MAF: variants seen among roughly 807,000 people sequenced by gnomAD.
MAF encodes the protein MAF bZIP transcription factor.
In MAF, 10 loss-of-function variants were observed where a neutral mutation model predicts 22.0. The ratio of observed to expected loss-of-function variants is 0.45; its 90% CI spans 0.28 to 0.77. MAF has a LOEUF of 0.77. Among genes scored for constraint, MAF ranks in the 30% least tolerant of loss-of-function variants. The pLI, the probability that MAF is intolerant of heterozygous loss-of-function variation, is 0.12. For synonymous variants in MAF, 337 were observed against 255.8 expected (o/e 1.32, Z -3.03); for missense variants, 544 against 548.4 (o/e 0.99, Z 0.08).
At chr16:79,461,906 G>C in the MAF span, among the ~76,000 whole-genome samples, 1 of 152,092 alleles carries the variant, frequency 6.6e-6, no homozygotes, top group Non-Finnish European at 1.5e-5. Flanking sequence ...TTTTTGGATT[G>C]TTTTTTAACC....
the MAF span, among the ~76,000 whole-genome samples, chr16:79,523,456 A>C: frequency 6.6e-6 from 1 of 152,246 alleles, no homozygotes. Flanking sequence ...TTTCATAACA[A>C]TCTATAAGCG....
the MAF span, among the ~76,000 whole-genome samples, chr16:79,479,304 A>C: frequency 1.3e-5 from 2 of 152,186 alleles, no homozygotes; most frequent in African/African-American, 2.4e-5. Flanking sequence ...TGGCATACCT[A>C]TGTTCCATGA....
the MAF span, among the ~76,000 whole-genome samples, chr16:79,408,092 A>AC: frequency 1.3e-5 from 2 of 151,148 alleles, 1 homozygote; most frequent in East Asian, 3.9e-4. Context: ...AAAAAAAAAA[A>AC]AAAAAAAACC....
the MAF span, among the ~76,000 whole-genome samples, chr16:79,326,948 T>C: frequency 6.6e-6 from 1 of 152,156 alleles, no homozygotes; most frequent in Non-Finnish European, 1.5e-5. Flanking sequence ...ATAAGCTGGA[T>C]TTTGGTCCTG....
rs767097998 is a variant in MAF at position 79,593,935 on chromosome 16, G to A, written c.*525C>T. 10 of 206,816 alleles carry A rather than the reference G, an allele frequency of 4.8e-5. No homozygotes were observed. The highest frequency in any genetic ancestry group is 1.6e-4 in the South Asian group (1 of 6,164). 12.8% of individuals were successfully genotyped at this position (206,816 alleles called of 1,614,324 possible). A position where few individuals can be genotyped will look rare whatever the true frequency, so the allele number is the denominator to read the frequency against. On this transcript the variant is annotated 3_prime_UTR_variant, in exon 2 of 2. Coordinates refer to ENST00000326043, the MANE Select transcript of MAF (RefSeq NM_005360.5). ...TGACATCACTGATAAATGCAACACC[G>A]TCTAGGGCCTACGAGAAAACCAGGG...
chr16:79,583,024 T>C (rs1912619573), downstream of MAF, among the ~76,000 whole-genome samples: 1 of 152,204 alleles, frequency 6.6e-6, no homozygotes. Flanking sequence ...TAAAATATGT[T>C]GATGGGTTCT....
At chr16:79,371,762 C>T in the MAF span, among the ~76,000 whole-genome samples, 1 of 152,228 alleles carries the variant, frequency 6.6e-6, no homozygotes, top group South Asian at 2.1e-4. Context: ...GCTTGGCCCA[C>T]CACCGTTCAG....
chr16:79,368,140 G>A, the MAF span, among the ~76,000 whole-genome samples: 9 of 152,148 alleles, frequency 5.9e-5, no homozygotes, highest in Non-Finnish European at 1.2e-4. Flanking sequence ...GCTCCAGAAT[G>A]GAGCACAGAG....
the MAF span, among the ~76,000 whole-genome samples, chr16:79,525,483 G>T: frequency 1.3e-5 from 2 of 152,146 alleles, no homozygotes; most frequent in Admixed American, 1.3e-4. Flanking sequence ...ACAGCAATTT[G>T]ATCAATTTAG....
chr16:79,488,592 G>T, the MAF span, among the ~76,000 whole-genome samples: 2 of 152,138 alleles, frequency 1.3e-5, no homozygotes, highest in Admixed American at 1.3e-4. Context: ...TCCTCACATT[G>T]TAGGCTGCTA....
the MAF span, among the ~76,000 whole-genome samples, chr16:79,243,516 G>A: frequency 1.3e-5 from 2 of 151,964 alleles, no homozygotes; most frequent in African/African-American, 2.4e-5. Context: ...TCTAAACCTG[G>A]AAGAAGTAGA....
At chr16:79,455,851 C>G in the MAF span, among the ~76,000 whole-genome samples, 1 of 152,018 alleles carries the variant, frequency 6.6e-6, no homozygotes. Flanking sequence ...AACTCTGTCT[C>G]TGACAAAAAT....
the MAF span, among the ~76,000 whole-genome samples, chr16:79,569,376 G>A: frequency 6.6e-6 from 1 of 152,198 alleles, no homozygotes; most frequent in Non-Finnish European, 1.5e-5. Flanking sequence ...CTTTAAACAG[G>A]TGAGTTTCTC....
chr16:79,403,763 T>C, the MAF span, among the ~76,000 whole-genome samples: 4 of 152,160 alleles, frequency 2.6e-5, 1 homozygote, highest in Non-Finnish European at 4.4e-5. Flanking sequence ...CGATCTATAT[T>C]TCTGAACAAA....
At chr16:79,446,571 A>G in the MAF span, among the ~76,000 whole-genome samples, 1 of 152,172 alleles carries the variant, frequency 6.6e-6, no homozygotes, top group East Asian at 1.9e-4. Context: ...AAGCCCCATT[A>G]TGGGCTAAAG....
the MAF span, among the ~76,000 whole-genome samples, chr16:79,471,428 C>CA: frequency 6.6e-6 from 1 of 152,180 alleles, no homozygotes; most frequent in Admixed American, 6.5e-5. Flanking sequence ...GAGGCCAAGG[C>CA]AGGCAGATTG....
the MAF span, among the ~76,000 whole-genome samples, chr16:79,225,924 G>A: frequency 6.6e-6 from 1 of 152,210 alleles, no homozygotes; most frequent in East Asian, 1.9e-4. Flanking sequence ...CTTTTACACT[G>A]TTGGTGAGAG....
chr16:79,346,796 C>T, the MAF span, among the ~76,000 whole-genome samples: 2 of 152,312 alleles, frequency 1.3e-5, no homozygotes, highest in Non-Finnish European at 2.9e-5. Flanking sequence ...TCTATTTGCA[C>T]ATTTCTGATG....
the MAF span, among the ~76,000 whole-genome samples, chr16:79,490,544 C>A: frequency 9.9e-5 from 15 of 152,096 alleles, no homozygotes; most frequent in Non-Finnish European, 1.5e-4. Context: ...GATCTATATG[C>A]ACTGACATAA....
Sources: allele counts gnomAD v4.1 joint callset (sites outside exome capture counted in the v4.1 genomes callset), GRCh38; gene constraint gnomAD v4.1.1; transcripts MANE v1.5; gene names NCBI Gene and HGNC (gene_info 2026-07-23, HGNC 2026-07-21).